Variants in SNTG1 observed in about 807,000 individuals in gnomAD.
SNTG1 encodes the protein gamma-1-syntrophin.
Under a neutral mutation model 74.7 loss-of-function variants are expected in SNTG1, and 39 were observed. The observed-to-expected ratio is 0.52, with a 90% CI of 0.40 to 0.68. The LOEUF (loss-of-function observed/expected upper bound fraction) is 0.68, where lower values mean the gene tolerates loss of function less well. SNTG1 is among the 30% of genes least tolerant of loss of function. The pLI is 0.00. For synonymous variants in SNTG1, 254 were observed against 217.1 expected (o/e 1.17, Z -1.49); for missense variants, 685 against 609.5 (o/e 1.12, Z -1.30).
At chr8:50,003,137 T>G (rs151100699) in intron 1 of SNTG1, among the ~76,000 whole-genome samples, 1 of 152,132 alleles carries the variant, frequency 6.6e-6, no homozygotes, top group African/African-American at 2.4e-5. Flanking sequence ...GCATTTCTTT[T>G]GGGGTGATAA....
chr8:50,529,205 A>G (rs1189702616), intron 9 of SNTG1, among the ~76,000 whole-genome samples: 2 of 152,116 alleles, frequency 1.3e-5, no homozygotes, highest in East Asian at 1.9e-4. Context: ...ATGCAAATAA[A>G]CTTCACAGGA....
chr8:50,072,418 C>A (rs936509661), intron 1 of SNTG1, among the ~76,000 whole-genome samples: 16 of 152,194 alleles, frequency 1.1e-4, no homozygotes, highest in African/African-American at 3.9e-4. Context: ...GAGGAAGACA[C>A]TAAATAAACA....
chr8:50,617,330 T>G lies in SNTG1; in HGVS notation c.849+26413T>G, dbSNP rs966009321. Among the ~76,000 whole-genome samples the G allele has an allele frequency of 3.3e-5, 5 of 151,736 alleles. No individual in the cohort carries two copies. The South Asian group carries it at 1.0e-3, about 32-fold the overall frequency. On this transcript the variant is annotated intron_variant, in intron 13 of 18. Coordinates refer to ENST00000642720, the MANE Select transcript of SNTG1 (RefSeq NM_018967.5). ...TTCAATGAGCAAATGAATCTTGGCA[T>G]GCATAAAAGGTTAATATGACCACAC... is the stretch of plus-strand genomic sequence containing the variant.
At chr8:50,119,707 C>T (rs112021256) in intron 1 of SNTG1, among the ~76,000 whole-genome samples, 1 of 141,342 alleles carries the variant, frequency 7.1e-6, no homozygotes, top group African/African-American at 2.6e-5. Flanking sequence ...TGTATTGATT[C>T]AGTTTGTAAT....
intron 17 of SNTG1, among the ~76,000 whole-genome samples, chr8:50,724,111 A>T (rs942099995): frequency 3.3e-5 from 5 of 152,196 alleles, no homozygotes; most frequent in African/African-American, 1.2e-4. Flanking sequence ...AAAAGCTTTT[A>T]TTCCATGGTG....
rs1426894747 is a variant in SNTG1, at chr8:50,341,332, T to A, written c.-27-52880T>A. Among the ~76,000 whole-genome samples the A allele has an allele frequency of 2.0e-5, 3 of 151,970 alleles. No homozygotes were observed. The East Asian group carries it at 5.8e-4, about 29-fold the overall frequency. The stretch of plus-strand genomic sequence containing the variant: ...AGTTGGAGGAATGGTGACTAACATA[T>A]TTTTTCTCTGCTTGTTCCACAAATG... On this transcript the variant is annotated intron_variant, in intron 2 of 18. Transcript: ENST00000642720.
At chr8:50,178,171 A>C (rs549060554) in intron 2 of SNTG1, among the ~76,000 whole-genome samples, 4 of 152,336 alleles carry the variant, frequency 2.6e-5, no homozygotes, top group Non-Finnish European at 4.4e-5. Flanking sequence ...TAAGCTTTCA[A>C]ATCCATTGGT....
At chr8:50,444,323 TAAC>T (rs1369178568) in intron 5 of SNTG1, among the ~76,000 whole-genome samples, 3 of 152,182 alleles carry the variant, frequency 2.0e-5, no homozygotes, top group African/African-American at 7.2e-5. Context: ...AATATTTAAA[TAAC>T]AACCATTGCT....
chr8:50,339,047 G>GA (rs748739439), intron 2 of SNTG1, among the ~76,000 whole-genome samples: 4 of 151,742 alleles, frequency 2.6e-5, no homozygotes, highest in Middle Eastern at 3.4e-3. Context: ...ATAAGCCAGA[G>GA]AAAAAAAATC....
chr8:50,327,783 A>C (rs183979254), intron 2 of SNTG1, among the ~76,000 whole-genome samples: 74 of 151,800 alleles, frequency 4.9e-4, no homozygotes. Flanking sequence ...TGCACATTTT[A>C]TATGCTTCCA....
intron 1 of SNTG1, among the ~76,000 whole-genome samples, chr8:49,926,636 T>C (rs1353430248): frequency 2.0e-5 from 3 of 152,046 alleles, no homozygotes; most frequent in Admixed American, 6.6e-5. Context: ...ACCACTAAAC[T>C]CCTTGAAGAT....
At chr8:50,306,951 T>G (rs1211258363) in intron 2 of SNTG1, among the ~76,000 whole-genome samples, 22 of 152,084 alleles carry the variant, frequency 1.4e-4, no homozygotes, top group Admixed American at 1.4e-3. Flanking sequence ...TATCTGTTTT[T>G]AAATTTTACA....
chr8:50,111,020 A>C (rs893060248), intron 1 of SNTG1, among the ~76,000 whole-genome samples: 2 of 152,188 alleles, frequency 1.3e-5, no homozygotes, highest in African/African-American at 4.8e-5. Flanking sequence ...CTCTACCTGC[A>C]AGTTGTAATG....
At chr8:50,280,677 G>T (rs2088390066) in intron 2 of SNTG1, among the ~76,000 whole-genome samples, 1 of 152,164 alleles carries the variant, frequency 6.6e-6, no homozygotes, top group South Asian at 2.1e-4. Flanking sequence ...GGTTGAAAGA[G>T]TTAAGTTATT....
chr8:50,199,987 C>T (rs928223485), intron 2 of SNTG1, among the ~76,000 whole-genome samples: 1 of 144,294 alleles, frequency 6.9e-6, no homozygotes, highest in African/African-American at 2.5e-5. Context: ...CTATTTGTAT[C>T]ATTCCCCCAA....
At chr8:50,514,757 C>A (rs1181633396) in intron 9 of SNTG1, among the ~76,000 whole-genome samples, 1 of 152,106 alleles carries the variant, frequency 6.6e-6, no homozygotes, top group African/African-American at 2.4e-5. Context: ...TGCTTAGTGT[C>A]ACACATGTCC....
chr8:50,484,767 G>A (rs180936181), intron 8 of SNTG1, among the ~76,000 whole-genome samples: 8,158 of 135,384 alleles, frequency 0.06, 330 homozygotes, highest in South Asian at 0.19. Flanking sequence ...GCTGAGACAG[G>A]GGAATCGCTT....
intron 2 of SNTG1, among the ~76,000 whole-genome samples, chr8:50,321,154 G>A (rs2090513822): frequency 6.6e-6 from 1 of 151,988 alleles, no homozygotes; most frequent in South Asian, 2.1e-4. Flanking sequence ...AGCTATTATT[G>A]TGTCCAGGTC....
chr8:49,938,594 TTTC>T (rs1302101566), intron 1 of SNTG1, among the ~76,000 whole-genome samples: 3 of 28,798 alleles, frequency 1.0e-4, no homozygotes, highest in African/African-American at 3.1e-4. Context: ...TTTCTTTTCT[TTTC>T]TTTTCTTTTC....
Sources: allele counts gnomAD v4.1 joint callset (sites outside exome capture counted in the v4.1 genomes callset), GRCh38; gene constraint gnomAD v4.1.1; transcripts MANE v1.5; gene names NCBI Gene and HGNC (gene_info 2026-07-23, HGNC 2026-07-21).